The following FRMPD4 variants were observed in gnomAD, a reference collection of about 807,000 sequenced individuals.
FRMPD4 encodes the protein FERM and PDZ domain containing 4.
A neutral mutation model predicts 94.1 loss-of-function variants in FRMPD4; 22 were observed. That is an observed-to-expected ratio of 0.23 (90% CI 0.17 to 0.33). The LOEUF (loss-of-function observed/expected upper bound fraction) is 0.33. FRMPD4 is among the 10% of genes least tolerant of loss of function. The probability of loss-of-function intolerance (pLI) is 1.00; values close to 1 mark genes in which losing one functional copy is unlikely to be tolerated. For missense variants in FRMPD4, 1,111 were observed against 1,339.9 expected (o/e 0.83, Z 2.67); for synonymous variants, 631 against 548.6 (o/e 1.15, Z -2.10).
chrX:12,557,695 T>C (rs1335115538), intron 2 of FRMPD4, among the ~76,000 whole-genome samples: 1 of 111,618 alleles, frequency 9.0e-6, no homozygotes, highest in Non-Finnish European at 1.9e-5. Context: ...CCTATCTCCA[T>C]AGTGCCCCAT....
At chrX:11,841,196 A>T (rs6419051) in intron 1 of FRMPD4, among the ~76,000 whole-genome samples, 1 of 106,253 alleles carries the variant, frequency 9.4e-6, no homozygotes, top group African/African-American at 3.5e-5. Flanking sequence ...GAATAGTGCC[A>T]CAATAAACAT....
intron 3 of FRMPD4, among the ~76,000 whole-genome samples, chrX:12,120,486 A>G (rs1400854186): frequency 1.8e-5 from 2 of 111,385 alleles, no homozygotes; most frequent in Non-Finnish European, 3.8e-5. Flanking sequence ...TGAGGCCAGG[A>G]GTCCCAAAAT....
chrX:11,840,536 G>A (rs2053528317), intron 1 of FRMPD4, among the ~76,000 whole-genome samples: 1 of 108,990 alleles, frequency 9.2e-6, no homozygotes, highest in African/African-American at 3.3e-5. Flanking sequence ...CTCTCTGTAT[G>A]TGAATATGTG....
rs1290195742 is a variant in FRMPD4, at chrX:12,453,340, T to A, written c.42-45340T>A. Among the ~76,000 whole-genome samples, 4 of 111,735 alleles carry A rather than the reference T, an allele frequency of 3.6e-5. No homozygotes were observed. In the Admixed American group the frequency reaches 3.8e-4, roughly 11 times the overall value. Reference sequence around the variant, plus strand: ...TACTGGAATGGTTAGAGAAAAAAAATGAGGGAATGGCAAGGTTGCTCCTTT... The same window carrying A: ...TACTGGAATGGTTAGAGAAAAAAAAAGAGGGAATGGCAAGGTTGCTCCTTT... On this transcript the variant is annotated intron_variant, in intron 1 of 16. Coordinates refer to ENST00000675598, the MANE Select transcript of FRMPD4 (RefSeq NM_001368397.1).
intron 3 of FRMPD4, among the ~76,000 whole-genome samples, chrX:11,959,330 C>G (rs2054272625): frequency 8.9e-6 from 1 of 112,023 alleles, no homozygotes; most frequent in African/African-American, 3.2e-5. Flanking sequence ...TTATGCTGAG[C>G]AAGGTGGCCA....
intron 1 of FRMPD4, among the ~76,000 whole-genome samples, chrX:12,207,136 A>T (rs2056701854): frequency 8.9e-6 from 1 of 111,920 alleles, no homozygotes; most frequent in Admixed American, 9.5e-5. Context: ...TTGAAGCTAC[A>T]TCTACATGAT....
chrX:12,435,882 T>A (rs1337428835), intron 1 of FRMPD4, among the ~76,000 whole-genome samples: 5 of 112,182 alleles, frequency 4.5e-5, no homozygotes, highest in Non-Finnish European at 7.5e-5. Context: ...TCAGGTTTAT[T>A]GGTCTATTCA....
At chrX:12,492,776 CT>C (rs1409410149) in intron 1 of FRMPD4, among the ~76,000 whole-genome samples, 2 of 111,632 alleles carry the variant, frequency 1.8e-5, no homozygotes, top group Admixed American at 1.9e-4. Context: ...GTGCCAAAAC[CT>C]GCTAATAAGG....
intron 2 of FRMPD4, among the ~76,000 whole-genome samples, chrX:12,570,901 T>C (rs1027755324): frequency 2.7e-5 from 3 of 112,173 alleles, no homozygotes; most frequent in Non-Finnish European, 5.6e-5. Context: ...GAATGGCAAG[T>C]AATTAAAAAT....
At position 12,576,218 on chromosome X, in the gene FRMPD4, A is replaced by C. The variant is rs555450066; in HGVS notation, c.159-33503A>C. Reference sequence around the variant, plus strand: ...TTCCTACAGCCAAGTTCAGAGTTAAAATGGGCTATCGTTAGATGCTCTTCT... The same window carrying C: ...TTCCTACAGCCAAGTTCAGAGTTAACATGGGCTATCGTTAGATGCTCTTCT... On this transcript the variant is annotated intron_variant, in intron 2 of 16. Transcript: ENST00000675598. Among the ~76,000 whole-genome samples, 12 of 112,642 alleles carry C rather than the reference A, an allele frequency of 1.1e-4. No homozygotes were observed. In the South Asian group the frequency reaches 4.4e-3, roughly 41 times the overall value.
chrX:12,129,928 C>T (rs1179165931), intron 3 of FRMPD4, among the ~76,000 whole-genome samples: 2 of 111,782 alleles, frequency 1.8e-5, no homozygotes, highest in Non-Finnish European at 3.8e-5. Context: ...ATCTTATACT[C>T]TATTTATTTA....
At chrX:12,589,710 A>G (rs1343415856) in intron 2 of FRMPD4, among the ~76,000 whole-genome samples, 1 of 111,834 alleles carries the variant, frequency 8.9e-6, no homozygotes, top group Non-Finnish European at 1.9e-5. Flanking sequence ...ATTGTGCATG[A>G]TTTTATAATG....
At chrX:11,995,341 A>AT (rs994073709) in intron 3 of FRMPD4, among the ~76,000 whole-genome samples, 4 of 110,641 alleles carry the variant, frequency 3.6e-5, no homozygotes, top group South Asian at 3.8e-4. Context: ...GCATCTTATT[A>AT]TTTTTTTTCA....
At chrX:12,348,043 A>G (rs1026794575) in intron 1 of FRMPD4, among the ~76,000 whole-genome samples, 2 of 112,115 alleles carry the variant, frequency 1.8e-5, no homozygotes, top group East Asian at 2.8e-4. Flanking sequence ...ATTTATGAAC[A>G]GTTGTTTAGT....
rs190513419 is a variant in FRMPD4, at chrX:12,080,058, A to G, written c.95+202040A>G. Among the ~76,000 whole-genome samples, 4 of 112,501 alleles carry G rather than the reference A, an allele frequency of 3.6e-5. No individual in the cohort carries two copies. In the Admixed American group the frequency reaches 3.8e-4, roughly 11 times the overall value. On this transcript the variant is annotated intron_variant, in intron 3 of 18. Transcript: ENST00000640291. ...AAACTCTTAGAGATCAGATCCTTCT[A>G]ATCAGTAACACGCTTCTTTCTCTGA...
At position 12,057,621 on chromosome X, in the gene FRMPD4, T is replaced by C. The variant is rs2054861738; in HGVS notation, c.95+179603T>C. On this transcript the variant is annotated intron_variant, in intron 3 of 18. Coordinates refer to the FRMPD4 transcript ENST00000640291. ...GTGGCTTAAAACAGCACATTTATTC[T>C]CTGAATTTCCATGGGTCAGGAAGTT... Among the ~76,000 whole-genome samples, 3 of 111,662 alleles carry C rather than the reference T, an allele frequency of 2.7e-5. No homozygotes were observed. The Admixed American group carries it at 2.9e-4, about 11-fold the overall frequency.
In FRMPD4 at chrX:12,337,368, A is replaced by G. The variant is rs1417423852; in HGVS notation, c.42-161312A>G. Among the ~76,000 whole-genome samples the G allele has an allele frequency of 2.7e-5, 3 of 112,335 alleles. No individual in the cohort carries two copies. In the East Asian group the frequency reaches 8.3e-4, roughly 31 times the overall value. ...TTAATTGAGGATCCAGAGAGAAATC[A>G]TATGTACCTGATTAGGAAAACTATG... On this transcript the variant is annotated intron_variant, in intron 1 of 16. Coordinates refer to ENST00000675598, the MANE Select transcript of FRMPD4 (RefSeq NM_001368397.1).
intron 1 of FRMPD4, among the ~76,000 whole-genome samples, chrX:12,238,312 T>C (rs2057093461): frequency 9.1e-6 from 1 of 110,241 alleles, no homozygotes; most frequent in Admixed American, 9.7e-5. Context: ...TTAGTAGAGA[T>C]GGGGTTTCTC....
chrX:12,718,883 A>T, intron 16 of FRMPD4, 93 bp downstream of exon 16: 4 of 563,988 alleles, frequency 7.1e-6, no homozygotes, highest in Non-Finnish European at 8.9e-6. Flanking sequence ...GTCTGGAAGA[A>T]AAGTAAAAGG....
Sources: allele counts gnomAD v4.1 joint callset (sites outside exome capture counted in the v4.1 genomes callset), GRCh38; gene constraint gnomAD v4.1.1; transcripts MANE v1.5; gene names NCBI Gene and HGNC (gene_info 2026-07-23, HGNC 2026-07-21).